The following THSD7B variants were observed in gnomAD, a reference collection of about 807,000 sequenced individuals.
THSD7B encodes thrombospondin type-1 domain-containing protein 7B.
Under a neutral mutation model 213.6 loss-of-function variants are expected in THSD7B, and 138 were observed. That is an observed-to-expected ratio of 0.65 (90% CI 0.56 to 0.74). The LOEUF is 0.74. THSD7B is among the 30% of genes least tolerant of loss of function. The probability of loss-of-function intolerance (pLI) is 0.00; values close to 1 mark genes in which losing one functional copy is unlikely to be tolerated. For synonymous variants in THSD7B, 742 were observed against 687.0 expected, an observed-to-expected ratio of 1.08 and a Z score of -1.25; for missense variants, 1,931 against 1,991.5, an observed-to-expected ratio of 0.97 and a Z score of 0.58.
intron 12 of THSD7B, among the ~76,000 whole-genome samples, chr2:137,300,084 T>G (rs1260908973): frequency 6.6e-6 from 1 of 152,118 alleles, no homozygotes; most frequent in East Asian, 1.9e-4. Context: ...TTCTTAAAAA[T>G]CTGTTTCTTA....
At chr2:137,481,966 A>G (rs894699011) in intron 15 of THSD7B, among the ~76,000 whole-genome samples, 1 of 152,176 alleles carries the variant, frequency 6.6e-6, no homozygotes, top group Admixed American at 6.5e-5. Context: ...TCACGAGGTC[A>G]GGAGATTGAG....
intron 2 of THSD7B, among the ~76,000 whole-genome samples, chr2:136,921,090 C>T (rs551895533): frequency 1.1e-3 from 170 of 152,048 alleles, no homozygotes; most frequent in African/African-American, 4.0e-3. Context: ...GAAGGCGGGG[C>T]TCTCATCTGC....
intron 15 of THSD7B, among the ~76,000 whole-genome samples, chr2:137,499,569 G>A (rs1679653155): frequency 6.6e-6 from 1 of 152,158 alleles, no homozygotes; most frequent in Non-Finnish European, 1.5e-5. Flanking sequence ...TGACATCTAT[G>A]GCAAAGAGTA....
chr2:137,630,010 G>A (rs80168226), intron 20 of THSD7B, among the ~76,000 whole-genome samples: 56 of 146,222 alleles, frequency 3.8e-4, no homozygotes, highest in African/African-American at 1.2e-3. Context: ...TTTTTTTTTC[G>A]CGATACAGAA....
intron 2 of THSD7B, among the ~76,000 whole-genome samples, chr2:136,951,381 T>C (rs1313277711): frequency 6.6e-6 from 1 of 152,238 alleles, no homozygotes. Flanking sequence ...AAAATATAAC[T>C]ATAATTTGAA....
rs1436544032 is a variant in THSD7B at position 137,677,486 on chromosome 2, ATTC to A, written c.*887_*889del. On this transcript the variant is annotated 3_prime_UTR_variant, in exon 28 of 28. Transcript: ENST00000409968. Reference sequence around the variant, plus strand: ...AATTTTCTTATCTGAATATTTATAAATTCTTCTTTCAAATTTAATTATCTGACC... The same window carrying A: ...AATTTTCTTATCTGAATATTTATAAATTCTTTCAAATTTAATTATCTGACC... The A allele has an allele frequency of 7.9e-5, 12 of 152,738 alleles. No homozygotes were observed. The highest frequency in any genetic ancestry group is 3.4e-3 in the Middle Eastern group (1 of 294). 9.5% of individuals were successfully genotyped at this position (152,738 alleles called of 1,614,324 possible).
intron 12 of THSD7B, among the ~76,000 whole-genome samples, chr2:137,277,511 G>A (rs1376668660): frequency 2.0e-5 from 3 of 152,054 alleles, no homozygotes; most frequent in East Asian, 3.9e-4. Context: ...TTTAAATTAA[G>A]AACCATAAAG....
chr2:137,410,905 C>T (rs1256072840), intron 13 of THSD7B, among the ~76,000 whole-genome samples: 1 of 152,192 alleles, frequency 6.6e-6, no homozygotes, highest in Admixed American at 6.5e-5. Context: ...TTAGAATCCA[C>T]TAAACATGAT....
intron 12 of THSD7B, among the ~76,000 whole-genome samples, chr2:137,367,055 A>G (rs1685424060): frequency 6.6e-6 from 1 of 152,168 alleles, no homozygotes; most frequent in Non-Finnish European, 1.5e-5. Context: ...GTAGATAAAT[A>G]AAATTTAAAA....
In THSD7B at chr2:137,549,905, G is replaced by A. The variant is rs151166734; in HGVS notation, c.3139-13316G>A. On this transcript the variant is annotated intron_variant, in intron 15 of 27. Coordinates refer to ENST00000409968, the MANE Select transcript of THSD7B (RefSeq NM_001316349.2). The stretch of plus-strand genomic sequence containing the variant: ...TATTTTTCTGAGAGTATCAATCATA[G>A]CTAGCATGGTGTTGCTTTTTTTCAC... Among the ~76,000 whole-genome samples the A allele has an allele frequency of 1.6e-4, 25 of 152,124 alleles. No homozygotes were observed. In the East Asian group the frequency reaches 4.6e-3, roughly 28 times the overall value.
intron 5 of THSD7B, among the ~76,000 whole-genome samples, chr2:137,124,880 A>C (rs1384585373): frequency 6.6e-6 from 1 of 152,072 alleles, no homozygotes; most frequent in Non-Finnish European, 1.5e-5. Flanking sequence ...CTTAAAGTCT[A>C]CTCTGTTAGC....
At chr2:137,287,894 C>T (rs1218856265) in intron 12 of THSD7B, among the ~76,000 whole-genome samples, 1 of 152,036 alleles carries the variant, frequency 6.6e-6, no homozygotes, top group Non-Finnish European at 1.5e-5. Context: ...TTCAGGAATG[C>T]TAATATGAAT....
intron 20 of THSD7B, among the ~76,000 whole-genome samples, chr2:137,622,040 C>A (rs374443579): frequency 2.8e-4 from 42 of 152,202 alleles, no homozygotes; most frequent in African/African-American, 9.1e-4. Context: ...ACTCACTCGC[C>A]CCCAGGGAGG....
intron 12 of THSD7B, among the ~76,000 whole-genome samples, chr2:137,315,864 C>T (rs1006043026): frequency 4.6e-5 from 7 of 152,184 alleles, no homozygotes; most frequent in African/African-American, 1.7e-4. Flanking sequence ...TGATTCATGT[C>T]TTCACACATT....
chr2:137,074,043 G>A (rs1172532456), intron 3 of THSD7B, among the ~76,000 whole-genome samples: 1 of 152,062 alleles, frequency 6.6e-6, no homozygotes, highest in Non-Finnish European at 1.5e-5. Flanking sequence ...GTGTGGTGCT[G>A]AAAAGAATGT....
intron 5 of THSD7B, among the ~76,000 whole-genome samples, chr2:137,135,796 A>G (rs1312140377): frequency 6.6e-6 from 1 of 152,108 alleles, no homozygotes; most frequent in Non-Finnish European, 1.5e-5. Flanking sequence ...TGAGAAATGC[A>G]TGTTTGCCTA....
At chr2:137,553,494 A>G (rs1186100449) in intron 15 of THSD7B, among the ~76,000 whole-genome samples, 1 of 152,188 alleles carries the variant, frequency 6.6e-6, no homozygotes, top group Non-Finnish European at 1.5e-5. Context: ...AAATATTAAA[A>G]GACTGACTCA....
intron 4 of THSD7B, among the ~76,000 whole-genome samples, chr2:137,106,067 A>T (rs1688241884): frequency 6.6e-6 from 1 of 152,202 alleles, no homozygotes; most frequent in African/African-American, 2.4e-5. Context: ...TGTGGAACCA[A>T]AAATACCCCA....
intron 12 of THSD7B, among the ~76,000 whole-genome samples, chr2:137,293,926 A>C (rs1472219742): frequency 3.9e-5 from 6 of 152,166 alleles, no homozygotes; most frequent in African/African-American, 1.4e-4. Flanking sequence ...AACATGAAAT[A>C]TACGGCTATT....
Sources: allele counts gnomAD v4.1 joint callset (sites outside exome capture counted in the v4.1 genomes callset), GRCh38; gene constraint gnomAD v4.1.1; transcripts MANE v1.5; gene names NCBI Gene and HGNC (gene_info 2026-07-23, HGNC 2026-07-21).